The following HECW2 variants were observed in gnomAD, a reference collection of about 807,000 sequenced individuals.
HECW2 encodes HECT, C2 and WW domain containing E3 ubiquitin protein ligase 2, also known as E3 ubiquitin-protein ligase HECW2.
HECW2 carries 61 observed loss-of-function variants against 175.2 expected under a neutral mutation model. That is an observed-to-expected ratio of 0.35 (90% CI 0.28 to 0.43). The LOEUF is 0.43. Ranked by LOEUF, HECW2 falls within the 20% of genes least tolerant of loss-of-function variation. The pLI is 1.00. For synonymous variants in HECW2, 671 were observed against 731.0 expected (o/e 0.92, Z 1.32); for missense variants, 1,524 against 2,000.5 (o/e 0.76, Z 4.54).
At chr2:196,266,735 G>T (rs1292272871) in intron 17 of HECW2, among the ~76,000 whole-genome samples, 1 of 152,144 alleles carries the variant, frequency 6.6e-6, no homozygotes. Flanking sequence ...AAGAAAGATA[G>T]CTTTTGAAAC....
chr2:196,576,172 G>A (rs147849692), intron 1 of HECW2, among the ~76,000 whole-genome samples: 1 of 152,134 alleles, frequency 6.6e-6, no homozygotes, highest in Non-Finnish European at 1.5e-5. Context: ...CAAACCTGCT[G>A]TACAGGTTTG....
At chr2:196,564,855 T>C (rs1297390396) in intron 1 of HECW2, among the ~76,000 whole-genome samples, 1 of 151,956 alleles carries the variant, frequency 6.6e-6, no homozygotes, top group Non-Finnish European at 1.5e-5. Flanking sequence ...TAATTTAAAA[T>C]TGAAAAATAA....
chr2:196,465,468 T>C (rs1696914736), intron 1 of HECW2, among the ~76,000 whole-genome samples: 1 of 152,116 alleles, frequency 6.6e-6, no homozygotes, highest in Non-Finnish European at 1.5e-5. Context: ...GTAGGAATCA[T>C]GGATTTAAAA....
intron 18 of HECW2, 28 bp from the exon 19 acceptor site, chr2:196,254,057 C>T: frequency 6.2e-7 from 1 of 1,610,876 alleles, no homozygotes. Flanking sequence ...ACAAAACGGG[C>T]ACTTCAGCCA....
intron 5 of HECW2, among the ~76,000 whole-genome samples, chr2:196,325,530 T>G (rs1692118191): frequency 6.6e-6 from 1 of 152,200 alleles, no homozygotes; most frequent in Non-Finnish European, 1.5e-5. Context: ...TTCACCACCT[T>G]TTTCCTAGGG....
At chr2:196,504,848 A>C (rs1403149872) in intron 1 of HECW2, among the ~76,000 whole-genome samples, 1 of 152,110 alleles carries the variant, frequency 6.6e-6, no homozygotes, top group Non-Finnish European at 1.5e-5. Context: ...TCTTCACAAA[A>C]CTTTTATCAA....
intron 6 of HECW2, among the ~76,000 whole-genome samples, chr2:196,324,075 A>T (rs138571975): frequency 6.6e-6 from 1 of 152,214 alleles, no homozygotes; most frequent in East Asian, 1.9e-4. Flanking sequence ...TCTTTTCTGC[A>T]ATCGGTTTTA....
chr2:196,426,294 G>A (rs186181602), intron 2 of HECW2, among the ~76,000 whole-genome samples: 4 of 152,188 alleles, frequency 2.6e-5, no homozygotes, highest in East Asian at 1.9e-4. Context: ...ATCCAGAACC[G>A]AAACCACACT....
intron 1 of HECW2, among the ~76,000 whole-genome samples, chr2:196,510,206 C>T (rs956411019): frequency 5.3e-5 from 8 of 152,132 alleles, no homozygotes; most frequent in Non-Finnish European, 7.4e-5. Flanking sequence ...ACTCTCAATC[C>T]CAATTTGGCT....
At chr2:196,415,313 G>C (rs1404183225) in intron 2 of HECW2, among the ~76,000 whole-genome samples, 1 of 152,174 alleles carries the variant, frequency 6.6e-6, no homozygotes, top group Non-Finnish European at 1.5e-5. Context: ...CCAAGCCTAT[G>C]AGATTGAAAA....
intron 1 of HECW2, among the ~76,000 whole-genome samples, chr2:196,479,160 C>T (rs1686762899): frequency 6.6e-6 from 1 of 152,134 alleles, no homozygotes; most frequent in African/African-American, 2.4e-5. Flanking sequence ...AAAGTGAACC[C>T]AGGGCCTTTC....
Position 196,271,261 on chromosome 2 carries a change from T to G in HECW2, c.3267A>C (p.Leu1089=). The G allele has an allele frequency of 6.2e-7, 1 of 1,610,094 alleles. No homozygotes were observed. The highest frequency in any genetic ancestry group is 8.5e-7 in the Non-Finnish European group (1 of 1,176,518). ...VAYNDKIVAF[L]RQPNIFEILQ... ...GAATTTCAAAGATATTGGGTTGACG[T>G]AGAAATGCAACAATCTTGTCATTGT... is the stretch of plus-strand genomic sequence containing the variant. The change falls in exon 17 of 29, where the codon CTA becomes CTC. Residue 1089 remains leucine (L), a synonymous_variant. Transcript: ENST00000644978.
At chr2:196,469,364 C>T (rs952289509) in intron 1 of HECW2, among the ~76,000 whole-genome samples, 23 of 151,982 alleles carry the variant, frequency 1.5e-4, no homozygotes, top group Non-Finnish European at 2.8e-4. Flanking sequence ...AACTGTCTCA[C>T]CACTTTGGCA....
At chr2:196,316,150 A>G (rs1016329203) in intron 10 of HECW2, 6 of 152,176 alleles carry the variant, frequency 3.9e-5, no homozygotes, top group Admixed American at 1.3e-4. Context: ...CTCTCAGTCC[A>G]TTTTATTTTA....
chr2:196,335,000 T>A (rs1263978339), intron 3 of HECW2, among the ~76,000 whole-genome samples: 1 of 152,184 alleles, frequency 6.6e-6, no homozygotes, highest in Non-Finnish European at 1.5e-5. Flanking sequence ...ACTCATAACC[T>A]CTATCTACAT....
intron 10 of HECW2, 65 bp from the exon 11 acceptor site, chr2:196,308,150 T>A: frequency 1.6e-6 from 2 of 1,268,030 alleles, no homozygotes; most frequent in Non-Finnish European, 2.1e-6. Context: ...TAGGGTTCAT[T>A]AAGTTTGGCA....
At chr2:196,314,295 C>T (rs1691609583) in intron 10 of HECW2, among the ~76,000 whole-genome samples, 1 of 152,196 alleles carries the variant, frequency 6.6e-6, no homozygotes, top group Admixed American at 6.5e-5. Flanking sequence ...GGTCTGACCT[C>T]AAAGCACTGC....
At chr2:196,244,536 C>T (rs1688577234) in intron 19 of HECW2, among the ~76,000 whole-genome samples, 1 of 152,192 alleles carries the variant, frequency 6.6e-6, no homozygotes, top group South Asian at 2.1e-4. Context: ...GCGGCAGCCA[C>T]TCAATGACAT....
At position 196,198,672 on chromosome 2, in the gene HECW2, C is replaced by A. The variant is rs534118084; in HGVS notation, c.*2605G>T. ...TAAAGAGCATCACTTAAAATAAGAC[C>A]AGAAAGCCTAGTTATCTGGGTTCAC... On this transcript the variant is annotated 3_prime_UTR_variant, in exon 29 of 29. Coordinates refer to ENST00000644978, the MANE Select transcript of HECW2 (RefSeq NM_001348768.2). 6.6e-6 allele frequency: 1 copy of A among 152,098 alleles called. No individual in the cohort carries two copies. The highest frequency in any genetic ancestry group is 1.9e-4 in the East Asian group (1 of 5,198). 9.4% of individuals were successfully genotyped at this position (152,098 alleles called of 1,614,324 possible). A position where few individuals can be genotyped will look rare whatever the true frequency, so the allele number is the denominator to read the frequency against.
Sources: allele counts gnomAD v4.1 joint callset (sites outside exome capture counted in the v4.1 genomes callset), GRCh38; gene constraint gnomAD v4.1.1; transcripts MANE v1.5; gene names NCBI Gene and HGNC (gene_info 2026-07-23, HGNC 2026-07-21).